The following PHACTR1 variants were observed in gnomAD, a reference collection of about 807,000 sequenced individuals.
PHACTR1 encodes the protein RPEL repeat containing 1.
A neutral mutation model predicts 69.2 loss-of-function variants in PHACTR1; 16 were observed. The ratio of observed to expected loss-of-function variants is 0.23; its 90% CI spans 0.16 to 0.35. The LOEUF is 0.35. Among genes scored for constraint, PHACTR1 ranks in the 10% least tolerant of loss-of-function variants. The pLI, the probability that PHACTR1 is intolerant of heterozygous loss-of-function variation, is 1.00. For synonymous variants in PHACTR1, 312 were observed against 284.5 expected, an observed-to-expected ratio of 1.10 and a Z score of -0.97; for missense variants, 510 against 734.7, an observed-to-expected ratio of 0.69 and a Z score of 3.54.
In PHACTR1 at chr6:13,074,716, A is replaced by G. The variant is rs146195787; in HGVS notation, c.415+21187A>G. 8.4e-4 allele frequency among the ~76,000 whole-genome samples: 128 copies of G among 152,366 alleles called. 2 individuals carry two copies. The East Asian group carries it at 0.024, about 29-fold the overall frequency. The stretch of plus-strand genomic sequence containing the variant: ...GAATGTTTATAATCACACACAAAAA[A>G]GCTGGAAACAAGGTAAATGCCATCA... On this transcript the variant is annotated intron_variant, in intron 5 of 14. Coordinates refer to ENST00000332995, the MANE Select transcript of PHACTR1 (RefSeq NM_030948.6).
intron 4 of PHACTR1, among the ~76,000 whole-genome samples, chr6:12,846,823 T>C (rs1779326839): frequency 6.6e-6 from 1 of 151,088 alleles, no homozygotes; most frequent in Admixed American, 6.6e-5. Flanking sequence ...TTTATTTTTA[T>C]TGAGACAGGG....
At chr6:12,993,940 G>T (rs1395847030) in intron 4 of PHACTR1, among the ~76,000 whole-genome samples, 1 of 152,054 alleles carries the variant, frequency 6.6e-6, no homozygotes, top group Non-Finnish European at 1.5e-5. Context: ...AAATAGACTA[G>T]AATAAAGTCA....
At chr6:13,008,984 A>C (rs1436430702) in intron 4 of PHACTR1, among the ~76,000 whole-genome samples, 3 of 152,184 alleles carry the variant, frequency 2.0e-5, no homozygotes, top group African/African-American at 4.8e-5. Context: ...AGATCCCTCC[A>C]GAGGCTCTTG....
At chr6:13,121,477 G>A (rs767085849) in intron 5 of PHACTR1, among the ~76,000 whole-genome samples, 2 of 152,070 alleles carry the variant, frequency 1.3e-5, no homozygotes, top group Non-Finnish European at 2.9e-5. Context: ...TTATAACATA[G>A]AAGTCTATAT....
At chr6:13,167,091 C>T (rs1422718066) in intron 6 of PHACTR1, among the ~76,000 whole-genome samples, 4 of 152,296 alleles carry the variant, frequency 2.6e-5, no homozygotes, top group African/African-American at 9.6e-5. Context: ...ATTGATGTAA[C>T]CTAAGTCACA....
intron 6 of PHACTR1, among the ~76,000 whole-genome samples, chr6:13,174,140 C>G (rs1438326422): frequency 6.6e-6 from 1 of 152,154 alleles, no homozygotes; most frequent in African/African-American, 2.4e-5. Context: ...CAGAATGACA[C>G]TTGTGTGGGA....
At chr6:13,014,898 C>T (rs1451933259) in intron 4 of PHACTR1, among the ~76,000 whole-genome samples, 2 of 152,262 alleles carry the variant, frequency 1.3e-5, no homozygotes, top group Non-Finnish European at 2.9e-5. Context: ...AGGCAGAAGC[C>T]TCTGCAGCTG....
At chr6:13,258,714 A>T (rs904713798) in intron 10 of PHACTR1, among the ~76,000 whole-genome samples, 2 of 152,192 alleles carry the variant, frequency 1.3e-5, no homozygotes, top group African/African-American at 4.8e-5. Flanking sequence ...AGGGTTACTT[A>T]AAAAATGCTT....
intron 5 of PHACTR1, among the ~76,000 whole-genome samples, chr6:13,120,820 CAT>C (rs1326937359): frequency 6.6e-6 from 1 of 152,222 alleles, no homozygotes; most frequent in Non-Finnish European, 1.5e-5. Flanking sequence ...TTTTAAAGCA[CAT>C]GTTTGCCTCT....
intron 5 of PHACTR1, among the ~76,000 whole-genome samples, chr6:13,133,754 C>G (rs1174896799): frequency 6.6e-6 from 1 of 152,024 alleles, no homozygotes; most frequent in East Asian, 2.0e-4. Flanking sequence ...GCCTGGCCGC[C>G]CATCGTCTGG....
chr6:12,904,970 T>A (rs1205372098), intron 4 of PHACTR1, among the ~76,000 whole-genome samples: 1 of 152,116 alleles, frequency 6.6e-6, no homozygotes, highest in Non-Finnish European at 1.5e-5. Context: ...TCCAACTAGT[T>A]TCATAAAAAT....
chr6:13,034,437 T>C (rs889176293), intron 4 of PHACTR1, among the ~76,000 whole-genome samples: 2 of 152,200 alleles, frequency 1.3e-5, no homozygotes, highest in Non-Finnish European at 2.9e-5. Flanking sequence ...GTACTTAATA[T>C]AGATTTTTCC....
chr6:12,837,289 T>A (rs918649554), intron 4 of PHACTR1, among the ~76,000 whole-genome samples: 9 of 152,230 alleles, frequency 5.9e-5, no homozygotes, highest in African/African-American at 2.2e-4. Context: ...AATATCTGTG[T>A]AATATTGCTA....
chr6:12,786,065 G>C (rs1771507211), intron 4 of PHACTR1, among the ~76,000 whole-genome samples: 1 of 152,126 alleles, frequency 6.6e-6, no homozygotes, highest in Admixed American at 6.5e-5. Flanking sequence ...TCTGCCCTTG[G>C]ATACTCAAAA....
chr6:13,281,019 C>T (rs7769621), intron 12 of PHACTR1: 44,651 of 1,289,590 alleles, frequency 0.035, 1,001 homozygotes, highest in African/African-American at 0.096. Flanking sequence ...GCTGCATCCT[C>T]GCTCATTCCC....
At chr6:13,254,302 C>T (rs999754008) in intron 10 of PHACTR1, among the ~76,000 whole-genome samples, 1 of 152,072 alleles carries the variant, frequency 6.6e-6, no homozygotes, top group Non-Finnish European at 1.5e-5. Flanking sequence ...AGGTAATTTG[C>T]AAACATTAGA....
chr6:13,042,545 T>C (rs1804352011), intron 4 of PHACTR1, among the ~76,000 whole-genome samples: 1 of 152,226 alleles, frequency 6.6e-6, no homozygotes, highest in Admixed American at 6.5e-5. Context: ...CTGAGATGGA[T>C]TAAAATTCTT....
In PHACTR1 at chr6:12,809,004, G is replaced by T. The variant is rs371716375; in HGVS notation, c.250+59214G>T. 4.2e-3 allele frequency among the ~76,000 whole-genome samples: 634 copies of T among 151,946 alleles called. 5 individuals are homozygous for T. Among genetic ancestry groups the T allele is most frequent in the African/African-American group, 0.015 (611 of 41,442 alleles). On this transcript the variant is annotated intron_variant, in intron 4 of 14. Coordinates refer to ENST00000332995, the MANE Select transcript of PHACTR1 (RefSeq NM_030948.6). ...GTGATCCTCCCACTTCAGCCTCCTG[G>T]GTAGCTGGGACTATAGTCATGTGCC...
intron 4 of PHACTR1, among the ~76,000 whole-genome samples, chr6:12,895,177 C>CTTTTTTTTTT (rs139510433): frequency 3.4e-5 from 3 of 88,282 alleles, no homozygotes; most frequent in African/African-American, 7.8e-5. Flanking sequence ...TTTCTTTTTT[C>CTTTTTTTTTT]TTTTTTTTTT....
Sources: gnomAD v4.1 joint callset for allele counts (sites outside exome capture counted in the v4.1 genomes callset) on GRCh38, gnomAD v4.1.1 for gene constraint, MANE v1.5 for transcripts, NCBI Gene and HGNC (gene_info 2026-07-23, HGNC 2026-07-21) for gene names.